Variants in SEC24B observed in about 807,000 individuals in gnomAD.
SEC24B encodes the protein SEC24 homolog B, COPII component, also known as protein transport protein Sec24B.
In SEC24B, 45 loss-of-function variants were observed where a neutral mutation model predicts 142.8. That is an observed-to-expected ratio of 0.32 (90% CI 0.25 to 0.40). The LOEUF (loss-of-function observed/expected upper bound fraction) is 0.40. SEC24B is among the 10% of genes least tolerant of loss of function. The probability of loss-of-function intolerance (pLI) is 1.00; values close to 1 mark genes in which losing one functional copy is unlikely to be tolerated. For synonymous variants in SEC24B, 574 were observed against 568.2 expected (o/e 1.01, Z -0.15); for missense variants, 1,409 against 1,526.8 (o/e 0.92, Z 1.29).
chr4:109,437,124 G>T (rs997719029), intron 1 of SEC24B, among the ~76,000 whole-genome samples: 1 of 152,144 alleles, frequency 6.6e-6, no homozygotes, highest in African/African-American at 2.4e-5. Context: ...CCCTTAATCT[G>T]TGGGATCCGA....
At chr4:109,443,364 C>A (rs1729110948) in intron 1 of SEC24B, among the ~76,000 whole-genome samples, 2 of 152,130 alleles carry the variant, frequency 1.3e-5, no homozygotes, top group Admixed American at 1.3e-4. Context: ...ATCTTAAACA[C>A]CTGAACCTTA....
intron 10 of SEC24B, 135 bp downstream of exon 10, chr4:109,513,991 GTTTATA>G: frequency 1.7e-6 from 1 of 586,352 alleles, no homozygotes; most frequent in Non-Finnish European, 3.0e-6. Flanking sequence ...AATGCTGGAA[GTTTATA>G]TTTAACAAAG....
chr4:109,521,690 T>C (rs1723629532), intron 14 of SEC24B, 64 bp downstream of exon 14: 1 of 1,217,770 alleles, frequency 8.2e-7, no homozygotes, highest in Non-Finnish European at 1.1e-6. Context: ...TTCTATTTCA[T>C]TAATAATAAA....
In SEC24B at chr4:109,469,968, A is replaced by G. The variant is rs565256192; in HGVS notation, c.878-3036A>G. On this transcript the variant is annotated intron_variant, in intron 2 of 23. Transcript: ENST00000265175. ...CAACAACCAAAAGAAAAATACTTGAATAGGCATTGCACAGAAGATGAAATG... is the reference window on the plus strand; with the variant it reads ...CAACAACCAAAAGAAAAATACTTGAGTAGGCATTGCACAGAAGATGAAATG... Among the ~76,000 whole-genome samples the G allele has an allele frequency of 2.1e-3, 314 of 152,374 alleles. 2 individuals carry two copies. The highest frequency in any genetic ancestry group is 5.1e-3 in the African/African-American group (211 of 41,592).
chr4:109,436,881 A>T (rs1484588327), intron 1 of SEC24B, among the ~76,000 whole-genome samples: 1 of 152,204 alleles, frequency 6.6e-6, no homozygotes, highest in Non-Finnish European at 1.5e-5. Flanking sequence ...TGCCCTGTAC[A>T]TCTCTTTCAT....
chr4:109,506,277 A>G, intron 6 of SEC24B, 51 bp from the exon 7 acceptor site: 2 of 1,346,412 alleles, frequency 1.5e-6, no homozygotes, highest in Non-Finnish European at 1.9e-6. Context: ...ATATAAGAAA[A>G]TTTATTTATG....
rs58095917 is a variant in SEC24B at position 109,515,152 on chromosome 4, G to C, written c.2013+1296G>C. On this transcript the variant is annotated intron_variant, in intron 10 of 23. Coordinates refer to ENST00000265175, the MANE Select transcript of SEC24B (RefSeq NM_006323.5). ...GTCACGCTCTGTCATCCAGGCTGGAGTGCAGTGGCACCATCCCGGCTCACT... is the reference window on the plus strand; with the variant it reads ...GTCACGCTCTGTCATCCAGGCTGGACTGCAGTGGCACCATCCCGGCTCACT... Among the ~76,000 whole-genome samples, 1,440 of 152,098 alleles carry C rather than the reference G, an allele frequency of 9.5e-3. 20 individuals are homozygous for C. Among genetic ancestry groups the C allele is most frequent in the African/African-American group, 0.033 (1,351 of 41,486 alleles).
intron 1 of SEC24B, among the ~76,000 whole-genome samples, chr4:109,438,079 C>G (rs1728582251): frequency 6.6e-6 from 1 of 152,114 alleles, no homozygotes; most frequent in African/African-American, 2.4e-5. Flanking sequence ...GGATCCCTAC[C>G]TTTACAGATG....
intron 6 of SEC24B, among the ~76,000 whole-genome samples, chr4:109,495,973 A>G (rs944938017): frequency 1.3e-5 from 2 of 152,174 alleles, no homozygotes; most frequent in African/African-American, 4.8e-5. Flanking sequence ...GCTAGGACCC[A>G]TTCTGACATG....
chr4:109,512,971 CTTTTTT>C (rs60804973), intron 9 of SEC24B, among the ~76,000 whole-genome samples: 2 of 103,630 alleles, frequency 1.9e-5, no homozygotes, highest in Non-Finnish European at 3.9e-5. Flanking sequence ...TAAGCCTGAT[CTTTTTT>C]TTTTTTTTTT....
chr4:109,521,049 A>G (rs924918182), intron 12 of SEC24B, 68 bp from the exon 13 acceptor site: 1 of 1,042,364 alleles, frequency 9.6e-7, no homozygotes, highest in African/African-American at 1.6e-5. Context: ...ATGACCTGAT[A>G]AAAACTAAGA....
intron 4 of SEC24B, among the ~76,000 whole-genome samples, chr4:109,488,374 G>T (rs1376825466): frequency 1.3e-5 from 2 of 152,080 alleles, no homozygotes; most frequent in Non-Finnish European, 2.9e-5. Context: ...ATAATATGTG[G>T]TTGTTACTTG....
chr4:109,532,419 A>G (rs1725026896), intron 20 of SEC24B, among the ~76,000 whole-genome samples: 2 of 152,184 alleles, frequency 1.3e-5, no homozygotes, highest in African/African-American at 4.8e-5. Flanking sequence ...GGAATGTGAC[A>G]GATCATTTTA....
chr4:109,494,459 A>G (rs1020219216), intron 5 of SEC24B, among the ~76,000 whole-genome samples, 156 bp from the exon 6 acceptor site: 2 of 152,244 alleles, frequency 1.3e-5, no homozygotes. Context: ...TATGGGGTTC[A>G]TCATTCCCCC....
At chr4:109,500,957 C>T (rs1736066797) in intron 6 of SEC24B, among the ~76,000 whole-genome samples, 1 of 152,082 alleles carries the variant, frequency 6.6e-6, no homozygotes, top group African/African-American at 2.4e-5. Flanking sequence ...CCATGCCTGG[C>T]CAAAAACTAT....
rs768223766 is a variant in SEC24B, at chr4:109,494,683, C to CCAGCTCCAGCTT, written c.1327_1338dup (p.Ser443_Ala446dup). The CCAGCTCCAGCTT allele has an allele frequency of 9.2e-5, 148 of 1,613,890 alleles. No homozygotes were observed. Among genetic ancestry groups the CCAGCTCCAGCTT allele is most frequent in the Non-Finnish European group, 1.2e-4 (144 of 1,179,880 alleles). ...CCCTGAACCTGATCCTGCTTCTGCTCCAGCTCCAGCTTCAGCTCCAGCTCC... is the reference window on the plus strand; with the variant it reads ...CCCTGAACCTGATCCTGCTTCTGCTCCAGCTCCAGCTTCAGCTCCAGCTTCAGCTCCAGCTCC... On this transcript the variant is annotated inframe_insertion, in exon 6 of 24. Coordinates refer to ENST00000265175, the MANE Select transcript of SEC24B (RefSeq NM_006323.5).
chr4:109,528,126 G>T (rs944244920), intron 18 of SEC24B, among the ~76,000 whole-genome samples: 5 of 152,124 alleles, frequency 3.3e-5, no homozygotes, highest in Admixed American at 6.5e-5. Flanking sequence ...GCCAGGTGTG[G>T]TGGCTCATGC....
chr4:109,467,123 G>A (rs572698255), intron 2 of SEC24B, among the ~76,000 whole-genome samples: 2 of 151,672 alleles, frequency 1.3e-5, no homozygotes, highest in South Asian at 2.1e-4. Context: ...TCAGGAGATC[G>A]AGACCATCCT....
Position 109,516,048 on chromosome 4 carries a change from C to CAA in SEC24B, c.2014-473_2014-472dup, listed in dbSNP as rs34333431. ...GGATGACAGAGTGAGACTCTGTCTCCAAAAAAAAGAAAAGTATTTATAATA... is the reference window on the plus strand; with the variant it reads ...GGATGACAGAGTGAGACTCTGTCTCCAAAAAAAAAAGAAAAGTATTTATAATA... On this transcript the variant is annotated intron_variant, in intron 10 of 23. Coordinates refer to ENST00000265175, the MANE Select transcript of SEC24B (RefSeq NM_006323.5). 4.2e-3 allele frequency among the ~76,000 whole-genome samples: 640 copies of CAA among 151,278 alleles called. 2 individuals carry two copies. Among genetic ancestry groups the CAA allele is most frequent in the Non-Finnish European group, 6.4e-3 (435 of 67,788 alleles).
Sources: allele counts gnomAD v4.1 joint callset (sites outside exome capture counted in the v4.1 genomes callset), GRCh38; gene constraint gnomAD v4.1.1; transcripts MANE v1.5; gene names NCBI Gene and HGNC (gene_info 2026-07-23, HGNC 2026-07-21).